CDH4: variants seen among roughly 807,000 people sequenced by gnomAD.
CDH4 encodes cadherin-4.
In CDH4, 33 loss-of-function variants were observed where a neutral mutation model predicts 86.0. The observed-to-expected ratio is 0.38, with a 90% CI of 0.29 to 0.51. The LOEUF is 0.51. Among genes scored for constraint, CDH4 ranks in the 20% least tolerant of loss-of-function variants. CDH4 has a pLI of 0.86. For missense variants in CDH4, 1,114 were observed against 1,307.4 expected (o/e 0.85, Z 2.28); for synonymous variants, 555 against 549.4 (o/e 1.01, Z -0.14).
chr20:61,778,404 C>CA (rs1283729221), intron 4 of CDH4, among the ~76,000 whole-genome samples: 2 of 152,024 alleles, frequency 1.3e-5, no homozygotes, highest in African/African-American at 4.8e-5. Flanking sequence ...TACTCTTCCC[C>CA]AAAAAAAGTC....
intron 11 of CDH4, 61 bp from the exon 12 acceptor site, chr20:61,928,129 C>T: frequency 8.0e-7 from 1 of 1,256,722 alleles, no homozygotes. Flanking sequence ...CTGTGTGGAG[C>T]TGTGGGTTGG....
intron 2 of CDH4, among the ~76,000 whole-genome samples, chr20:61,470,098 A>T (rs2085494066): frequency 6.6e-6 from 1 of 152,266 alleles, no homozygotes; most frequent in African/African-American, 2.4e-5. Flanking sequence ...TCTGTGAAGA[A>T]TGTCATTGGT....
chr20:61,648,447 A>T (rs914596281), intron 2 of CDH4, among the ~76,000 whole-genome samples: 1 of 152,190 alleles, frequency 6.6e-6, no homozygotes, highest in African/African-American at 2.4e-5. Flanking sequence ...CCTCAGGTCC[A>T]ACCGAGCTGG....
intron 2 of CDH4, among the ~76,000 whole-genome samples, chr20:61,685,990 A>C (rs2087569315): frequency 6.6e-6 from 1 of 152,254 alleles, no homozygotes; most frequent in African/African-American, 2.4e-5. Context: ...AAAATTGTGC[A>C]GTTCTTGAAG....
chr20:61,887,033 C>T (rs1253283135), intron 7 of CDH4, among the ~76,000 whole-genome samples: 1 of 152,234 alleles, frequency 6.6e-6, no homozygotes, highest in Non-Finnish European at 1.5e-5. Flanking sequence ...GCAGATCAGC[C>T]ACGTCTGCAA....
At chr20:61,608,051 CCT>C (rs2086658182) in intron 2 of CDH4, among the ~76,000 whole-genome samples, 1 of 152,244 alleles carries the variant, frequency 6.6e-6, no homozygotes, top group South Asian at 2.1e-4. Flanking sequence ...GAGCCTTTCC[CCT>C]CTCTGCATCT....
intron 3 of CDH4, among the ~76,000 whole-genome samples, chr20:61,761,999 T>C (rs2088639734): frequency 6.6e-6 from 1 of 152,238 alleles, no homozygotes. Flanking sequence ...AAGGAAAAGC[T>C]GCAATGCTTT....
chr20:61,276,102 T>A (rs569825117), intron 2 of CDH4, among the ~76,000 whole-genome samples: 1 of 152,316 alleles, frequency 6.6e-6, no homozygotes, highest in South Asian at 2.1e-4. Context: ...ATTTAAAAAA[T>A]AAGTCTAGTG....
intron 4 of CDH4, among the ~76,000 whole-genome samples, chr20:61,798,111 C>T (rs887484684): frequency 2.6e-5 from 4 of 152,332 alleles, no homozygotes; most frequent in African/African-American, 9.6e-5. Context: ...ACACCCCTCG[C>T]CCGGGTCACA....
chr20:61,568,803 C>T (rs1171956829), intron 2 of CDH4, among the ~76,000 whole-genome samples: 2 of 152,200 alleles, frequency 1.3e-5, no homozygotes, highest in African/African-American at 4.8e-5. Flanking sequence ...ACTGGGTCTC[C>T]TGGCAGCCAT....
chr20:61,488,486 C>G (rs2085608367), intron 2 of CDH4, among the ~76,000 whole-genome samples: 1 of 152,188 alleles, frequency 6.6e-6, no homozygotes, highest in South Asian at 2.1e-4. Flanking sequence ...AGGATTGTTT[C>G]CACTGGAGTG....
At chr20:61,488,948 C>CT (rs1011030120) in intron 2 of CDH4, among the ~76,000 whole-genome samples, 6 of 151,476 alleles carry the variant, frequency 4.0e-5, no homozygotes, top group Non-Finnish European at 5.9e-5. Flanking sequence ...TCTTAAATCA[C>CT]TTTTTTTTTA....
chr20:61,460,392 G>A (rs2085435223), intron 2 of CDH4, among the ~76,000 whole-genome samples: 1 of 152,182 alleles, frequency 6.6e-6, no homozygotes, highest in African/African-American at 2.4e-5. Context: ...CTCTCAGCTG[G>A]GCCCCAGAAA....
chr20:61,894,731 G>A (rs368816338), intron 7 of CDH4, among the ~76,000 whole-genome samples, 179 bp from the exon 8 acceptor site: 4 of 152,156 alleles, frequency 2.6e-5, no homozygotes, highest in African/African-American at 7.2e-5. Flanking sequence ...AACTTACTCC[G>A]ACAGGCAGTG....
intron 2 of CDH4, among the ~76,000 whole-genome samples, chr20:61,661,798 G>A (rs77825323): frequency 0.02 from 3,035 of 152,110 alleles, 107 homozygotes; most frequent in African/African-American, 0.069. Context: ...ACACTGACGC[G>A]GCTCGTATGA....
At chr20:61,795,949 T>C (rs1979513944) in intron 4 of CDH4, among the ~76,000 whole-genome samples, 1 of 152,158 alleles carries the variant, frequency 6.6e-6, no homozygotes, top group Non-Finnish European at 1.5e-5. Context: ...TGCTGAGCTT[T>C]CAGGCACTGA....
At position 61,811,057 on chromosome 20, in the gene CDH4, C is replaced by T. The variant is rs773057428; in HGVS notation, c.577-33611C>T. Among the ~76,000 whole-genome samples the T allele has an allele frequency of 6.6e-6, 1 of 152,194 alleles. No individual in the cohort carries two copies. Among genetic ancestry groups the T allele is most frequent in the African/African-American group, 2.4e-5 (1 of 41,450 alleles). ...AAACTAATGGCGCGGTGCTGACTGC[C>T]GCATCCTCAGCAGCCGCGCCACATC... is the stretch of plus-strand genomic sequence containing the variant. On this transcript the variant is annotated intron_variant, in intron 4 of 15. Coordinates refer to ENST00000614565, the MANE Select transcript of CDH4 (RefSeq NM_001794.5). This position sits in a 1 kb window ranked among gnomAD's most constrained non-coding sequence, Gnocchi z 4.4.
At chr20:61,599,688 T>C (rs993993948) in intron 2 of CDH4, 3 of 370,534 alleles carry the variant, frequency 8.1e-6, no homozygotes, top group African/African-American at 4.4e-5. Flanking sequence ...GCCTCTCGCG[T>C]GGTCTCTGCG....
intron 7 of CDH4, among the ~76,000 whole-genome samples, chr20:61,882,588 G>A (rs1236499213): frequency 6.6e-6 from 1 of 152,192 alleles, no homozygotes; most frequent in Non-Finnish European, 1.5e-5. Flanking sequence ...GGCCCGGGGG[G>A]TGCAGCCCCT....
Sources: gnomAD v4.1 joint callset for allele counts (sites outside exome capture counted in the v4.1 genomes callset) on GRCh38, gnomAD v4.1.1 for gene constraint, Gnocchi (gnomAD v3.1) non-coding constraint, MANE v1.5 for transcripts, NCBI Gene and HGNC (gene_info 2026-07-23, HGNC 2026-07-21) for gene names.